OTC: variants seen among roughly 807,000 people sequenced by gnomAD.
OTC encodes the protein ornithine transcarbamylase, mitochondrial.
OTC carries 3 observed loss-of-function variants against 30.3 expected under a neutral mutation model. The ratio of observed to expected loss-of-function variants is 0.10; its 90% CI spans 0.05 to 0.26. The LOEUF (loss-of-function observed/expected upper bound fraction) is 0.26. Ranked by LOEUF, OTC falls within the 10% of genes least tolerant of loss-of-function variation. The pLI is 1.00. For missense variants in OTC, 194 were observed against 260.3 expected (o/e 0.75, Z 1.75); for synonymous variants, 111 against 99.7 (o/e 1.11, Z -0.67).
the OTC span, among the ~76,000 whole-genome samples, chrX:38,341,389 A>G: frequency 8.9e-6 from 1 of 112,179 alleles, no homozygotes; most frequent in East Asian, 2.8e-4. Context: ...TAGACACTGA[A>G]GATGATGTGT....
At chrX:38,418,430 T>C (rs1376974650) in intron 9 of OTC, among the ~76,000 whole-genome samples, 2 of 112,402 alleles carry the variant, frequency 1.8e-5, no homozygotes, top group Non-Finnish European at 3.8e-5. Flanking sequence ...ATTCTGTGGA[T>C]TGTCTCTTCA....
intron 4 of OTC, among the ~76,000 whole-genome samples, chrX:38,399,479 T>C (rs973929589): frequency 1.8e-5 from 2 of 111,613 alleles, no homozygotes; most frequent in Non-Finnish European, 3.8e-5. Context: ...CCAGGTGCGG[T>C]GGCTCACGCC....
At chrX:38,406,940 TAAAC>T (rs2147344084) in intron 6 of OTC, among the ~76,000 whole-genome samples, 1 of 112,592 alleles carries the variant, frequency 8.9e-6, no homozygotes, top group South Asian at 3.7e-4. Flanking sequence ...CATGTGCAAA[TAAAC>T]ACAATTTCAC....
rs183329252 is a variant in OTC, at chrX:38,380,357, C to A, written c.299-985C>A. On this transcript the variant is annotated intron_variant, in intron 3 of 9. Coordinates refer to ENST00000039007, the MANE Select transcript of OTC (RefSeq NM_000531.6). ...CTTATTTCCCAAAAGATAAATCAGGCACATCATAATAAGGAGGGGAAAAGT... is the reference window on the plus strand; with the variant it reads ...CTTATTTCCCAAAAGATAAATCAGGAACATCATAATAAGGAGGGGAAAAGT... Among the ~76,000 whole-genome samples, 622 of 112,328 alleles carry A rather than the reference C, an allele frequency of 5.5e-3. 6 individuals are homozygous for A. Among genetic ancestry groups the A allele is most frequent in the Middle Eastern group, 0.018 (4 of 219 alleles).
chrX:38,369,939 AG>A, intron 3 of OTC, 62 bp downstream of exon 3: 4 of 794,164 alleles, frequency 5.0e-6, no homozygotes, highest in Non-Finnish European at 7.7e-6. Context: ...AAGACTTTGG[AG>A]GGGTAACCCA....
chrX:38,370,839 A>G (rs1197284909), intron 3 of OTC, among the ~76,000 whole-genome samples: 1 of 111,210 alleles, frequency 9.0e-6, no homozygotes, highest in Non-Finnish European at 1.9e-5. Context: ...CCCCATTACA[A>G]CAATATATCT....
At chrX:38,401,537 C>CACCTTGACAAA (rs2068488220) in intron 5 of OTC, 109 bp downstream of exon 5, 16 of 621,780 alleles carry the variant, frequency 2.6e-5, no homozygotes, top group Non-Finnish European at 4.0e-5. Flanking sequence ...TTTTCAAATA[C>CACCTTGACAAA]CAGCTTGACA....
At chrX:38,348,746 C>T (rs1171072936), upstream of OTC, among the ~76,000 whole-genome samples, 1 of 109,882 alleles carries the variant, frequency 9.1e-6, no homozygotes, top group Admixed American at 9.7e-5. Context: ...ACCATGTTAG[C>T]CAGGATGGTC....
intron 9 of OTC, among the ~76,000 whole-genome samples, chrX:38,420,420 T>G (rs1208014206): frequency 9.0e-6 from 1 of 111,290 alleles, no homozygotes; most frequent in Non-Finnish European, 1.9e-5. Context: ...TCAGTTAACA[T>G]TCACCATAGT....
intron 4 of OTC, among the ~76,000 whole-genome samples, chrX:38,393,549 CAT>C (rs2068439386): frequency 8.9e-6 from 1 of 111,882 alleles, no homozygotes; most frequent in Admixed American, 9.5e-5. Flanking sequence ...AAAGAACAAA[CAT>C]ATCACCTCGG....
chrX:38,343,988 C>A, the OTC span, among the ~76,000 whole-genome samples: 1 of 110,730 alleles, frequency 9.0e-6, no homozygotes, highest in African/African-American at 3.3e-5. Context: ...CAAGAAAACA[C>A]CCCTGAATCA....
chrX:38,403,836 T>G, intron 6 of OTC, 96 bp downstream of exon 6: 1 of 966,471 alleles, frequency 1.0e-6, no homozygotes, highest in Non-Finnish European at 1.5e-6. Context: ...CATTTAAGTA[T>G]AGCACAGGTG....
chrX:38,359,963 G>A (rs1196396324), intron 1 of OTC, among the ~76,000 whole-genome samples: 1 of 102,335 alleles, frequency 9.8e-6, no homozygotes, highest in African/African-American at 3.7e-5. Context: ...TGTCACCCAG[G>A]CTAGAGTGCA....
At chrX:38,361,269 C>T (rs746902259) in intron 1 of OTC, among the ~76,000 whole-genome samples, 4 of 109,189 alleles carry the variant, frequency 3.7e-5, no homozygotes, top group African/African-American at 6.7e-5. Context: ...TGCGCCGCTG[C>T]GCTCCAGCCT....
upstream of OTC, among the ~76,000 whole-genome samples, chrX:38,349,714 C>T (rs183795173): frequency 8.9e-6 from 1 of 112,206 alleles, no homozygotes; most frequent in Non-Finnish European, 1.9e-5. Flanking sequence ...ACAAAGCCAC[C>T]CACACAAAGA....
intron 3 of OTC, among the ~76,000 whole-genome samples, chrX:38,380,739 AT>A (rs758162539): frequency 9.0e-6 from 1 of 111,405 alleles, no homozygotes; most frequent in Admixed American, 9.5e-5. Flanking sequence ...TTTATTTTTT[AT>A]TTTTTTCAGA....
chrX:38,349,091 G>T (rs954724606), upstream of OTC, among the ~76,000 whole-genome samples: 1 of 111,515 alleles, frequency 9.0e-6, no homozygotes, highest in Non-Finnish European at 1.9e-5. Flanking sequence ...AGGTAGATCT[G>T]GGCAAAAGTT....
chrX:38,413,839 T>A (rs1204332912), intron 9 of OTC, among the ~76,000 whole-genome samples: 2 of 109,268 alleles, frequency 1.8e-5, no homozygotes, highest in African/African-American at 6.7e-5. Flanking sequence ...ATAGCTAATT[T>A]TTGTATTTTT....
At chrX:38,403,176 T>C (rs1057422154) in intron 5 of OTC, among the ~76,000 whole-genome samples, 14 of 111,939 alleles carry the variant, frequency 1.3e-4, no homozygotes, top group African/African-American at 4.6e-4. Flanking sequence ...TGAGCCACTA[T>C]GCTACACTGT....
Sources: allele counts gnomAD v4.1 joint callset (sites outside exome capture counted in the v4.1 genomes callset), GRCh38; gene constraint gnomAD v4.1.1; transcripts MANE v1.5; gene names NCBI Gene and HGNC (gene_info 2026-07-23, HGNC 2026-07-21).